NFIB: variants seen among roughly 807,000 people sequenced by gnomAD.
NFIB encodes nuclear factor I B.
In NFIB, 11 loss-of-function variants were observed where a neutral mutation model predicts 61.5. The observed-to-expected ratio is 0.18, with a 90% CI of 0.11 to 0.30. The LOEUF (loss-of-function observed/expected upper bound fraction) is 0.30. NFIB is among the 10% of genes least tolerant of loss of function. NFIB has a pLI of 1.00. For synonymous variants in NFIB, 260 were observed against 216.5 expected, an observed-to-expected ratio of 1.20 and a Z score of -1.76; for missense variants, 471 against 608.9, an observed-to-expected ratio of 0.77 and a Z score of 2.38.
chr9:14,180,475 C>T (rs956689429), intron 2 of NFIB, among the ~76,000 whole-genome samples: 5 of 152,158 alleles, frequency 3.3e-5, no homozygotes, highest in South Asian at 2.1e-4. Context: ...TGTCGTATAT[C>T]TGAATTTCCT....
At chr9:14,315,517 G>GGGGCC (rs1333356664), upstream of NFIB, among the ~76,000 whole-genome samples, 2 of 143,288 alleles carry the variant, frequency 1.4e-5, no homozygotes, top group Non-Finnish European at 3.1e-5. Flanking sequence ...CAGGCGGGGC[G>GGGGCC]GGGCCGCGGC....
intron 2 of NFIB, among the ~76,000 whole-genome samples, chr9:14,244,262 C>T (rs2054650677): frequency 6.6e-6 from 1 of 152,092 alleles, no homozygotes; most frequent in Non-Finnish European, 1.5e-5. Flanking sequence ...TCAGTTTGTA[C>T]AACATAAGCA....
intron 1 of NFIB, among the ~76,000 whole-genome samples, chr9:14,385,036 T>G (rs1318845896): frequency 6.6e-6 from 1 of 152,246 alleles, no homozygotes; most frequent in Non-Finnish European, 1.5e-5. Flanking sequence ...GTATCAAATA[T>G]GAGGCATTCG....
At chr9:14,508,123 T>C in the NFIB span, among the ~76,000 whole-genome samples, 1 of 151,254 alleles carries the variant, frequency 6.6e-6, no homozygotes, top group Non-Finnish European at 1.5e-5. Context: ...ATTCATATTA[T>C]ATATTCATAT....
chr9:14,247,408 A>C (rs188517361), intron 2 of NFIB, among the ~76,000 whole-genome samples: 69 of 152,352 alleles, frequency 4.5e-4, no homozygotes, highest in African/African-American at 1.3e-3. Context: ...GACCATGCCC[A>C]GAACAGGATT....
chr9:14,148,392 C>A (rs2042513976), intron 5 of NFIB, among the ~76,000 whole-genome samples: 1 of 152,100 alleles, frequency 6.6e-6, no homozygotes, highest in African/African-American at 2.4e-5. Context: ...GGGAATCCAG[C>A]TGTGAGTCAC....
chr9:14,373,692 G>A (rs1202546491), intron 1 of NFIB, among the ~76,000 whole-genome samples: 1 of 151,430 alleles, frequency 6.6e-6, no homozygotes, highest in African/African-American at 2.4e-5. Context: ...TTTAGAAACA[G>A]GTAGATAAAG....
At chr9:14,204,335 C>A in intron 2 of NFIB, 1 of 760,080 alleles carries the variant, frequency 1.3e-6, no homozygotes, top group Non-Finnish European at 2.3e-6. Context: ...AGTGGTCAAC[C>A]CCCTGTTTGA....
the NFIB span, among the ~76,000 whole-genome samples, chr9:14,527,651 T>C: frequency 3.3e-5 from 5 of 152,212 alleles, no homozygotes; most frequent in African/African-American, 1.2e-4. Flanking sequence ...TGGCATATAG[T>C]ATGTTCTTTA....
chr9:14,280,654 G>A (rs1372776872), intron 2 of NFIB, among the ~76,000 whole-genome samples: 1 of 152,168 alleles, frequency 6.6e-6, no homozygotes, highest in Non-Finnish European at 1.5e-5. Context: ...ACTTCCACAG[G>A]AGACAACGTT....
intron 1 of NFIB, among the ~76,000 whole-genome samples, chr9:14,350,046 C>G (rs1214867715): frequency 6.6e-6 from 1 of 152,122 alleles, no homozygotes; most frequent in Non-Finnish European, 1.5e-5. Flanking sequence ...GGCACGCACG[C>G]ACGGGTGGGC....
At chr9:14,160,303 T>C (rs2044004053) in intron 3 of NFIB, among the ~76,000 whole-genome samples, 1 of 152,180 alleles carries the variant, frequency 6.6e-6, no homozygotes, top group Admixed American at 6.5e-5. Context: ...AGGGACACAA[T>C]GGCATATCTA....
chr9:14,395,036 G>A (rs2076872), intron 1 of NFIB, among the ~76,000 whole-genome samples: 37,979 of 151,898 alleles, frequency 0.25, 5,402 homozygotes, highest in East Asian at 0.66. Flanking sequence ...TTTTTGGTAG[G>A]ACCAGTTTTT....
chr9:14,199,804 G>C (rs56026354), intron 2 of NFIB, among the ~76,000 whole-genome samples: 2,071 of 152,180 alleles, frequency 0.014, 19 homozygotes, highest in Non-Finnish European at 0.019. Flanking sequence ...CAAAACTCCT[G>C]AAGATATCCA....
chr9:14,269,731 T>C (rs558571235), intron 2 of NFIB, among the ~76,000 whole-genome samples: 54 of 151,874 alleles, frequency 3.6e-4, no homozygotes, highest in African/African-American at 9.7e-4. Context: ...TATGTCCCGA[T>C]TTTTTTTTCT....
upstream of NFIB, chr9:14,399,017 C>G (rs2061716405): frequency 8.9e-6 from 2 of 223,704 alleles, no homozygotes; most frequent in Non-Finnish European, 1.8e-5. Flanking sequence ...CTACTGAGTA[C>G]TTGAAATGTG....
In NFIB at chr9:14,329,972, A is replaced by T. The variant is rs543150009; in HGVS notation, c.109-22452T>A. On this transcript the variant is annotated intron_variant, in intron 1 of 8. Transcript: ENST00000380934. Reference sequence around the variant, plus strand: ...CCCCGTCTCTACTAAAAATACAAAAAATTAGCTGGGCGTGGGTGGTGGCAC... The same window carrying T: ...CCCCGTCTCTACTAAAAATACAAAATATTAGCTGGGCGTGGGTGGTGGCAC... Among the ~76,000 whole-genome samples, 3 of 151,992 alleles carry T rather than the reference A, an allele frequency of 2.0e-5. No individual in the cohort carries two copies. In the South Asian group the frequency reaches 6.2e-4, roughly 32 times the overall value.
intron 2 of NFIB, among the ~76,000 whole-genome samples, chr9:14,262,071 T>C (rs780088108): frequency 4.0e-5 from 6 of 151,894 alleles, no homozygotes; most frequent in South Asian, 4.2e-4. Flanking sequence ...GACACTATCA[T>C]GTCACTTTTC....
Position 14,088,181 on chromosome 9 carries a change from T to TGTGTTTCTTTTTCCCTCAGTTGC in NFIB, c.*105_*127dup, listed in dbSNP as rs1332423679. On this transcript the variant is annotated 3_prime_UTR_variant, in exon 11 of 11. Coordinates refer to ENST00000380953, the MANE Select transcript of NFIB (RefSeq NM_001190737.2). The stretch of plus-strand genomic sequence containing the variant: ...AAAAAAAAATTTCTTAAACTATTGT[T>TGTGTTTCTTTTTCCCTCAGTTGC]GTGTTTCTTTTTCCCTCAGTTGCTT... 1 of 1,505,936 alleles carries TGTGTTTCTTTTTCCCTCAGTTGC rather than the reference T, an allele frequency of 6.6e-7. No homozygotes were observed. The highest frequency in any genetic ancestry group is 2.5e-5 in the East Asian group (1 of 40,178). 93.3% of individuals were successfully genotyped at this position (1,505,936 alleles called of 1,614,324 possible). A position where few individuals can be genotyped will look rare whatever the true frequency, so the allele number is the denominator to read the frequency against.
Sources: gnomAD v4.1 joint callset for allele counts (sites outside exome capture counted in the v4.1 genomes callset) on GRCh38, gnomAD v4.1.1 for gene constraint, MANE v1.5 for transcripts, NCBI Gene and HGNC (gene_info 2026-07-23, HGNC 2026-07-21) for gene names.